IGF2BP3: variants seen among roughly 807,000 people sequenced by gnomAD.
IGF2BP3 encodes insulin like growth factor 2 mRNA binding protein 3, also known as insulin-like growth factor 2 mRNA-binding protein 3.
Under a neutral mutation model 73.8 loss-of-function variants are expected in IGF2BP3, and 9 were observed. That is an observed-to-expected ratio of 0.12 (90% CI 0.07 to 0.21). The LOEUF (loss-of-function observed/expected upper bound fraction) is 0.21, where lower values mean the gene tolerates loss of function less well. IGF2BP3 is among the 10% of genes least tolerant of loss of function. The pLI is 1.00. For synonymous variants in IGF2BP3, 258 were observed against 256.7 expected, an observed-to-expected ratio of 1.01 and a Z score of -0.05; for missense variants, 542 against 714.0, an observed-to-expected ratio of 0.76 and a Z score of 2.75.
chr7:23,467,860 A>C (rs1255795554), intron 2 of IGF2BP3: 3 of 153,756 alleles, frequency 2.0e-5, no homozygotes, highest in Admixed American at 6.4e-5. Context: ...AAATGTACCC[A>C]GGAGGAGTGG....
intron 10 of IGF2BP3, among the ~76,000 whole-genome samples, chr7:23,338,197 T>C (rs1784621886): frequency 6.6e-6 from 1 of 152,124 alleles, no homozygotes; most frequent in African/African-American, 2.4e-5. Flanking sequence ...GGTGAGTTTT[T>C]TTTCACTCTT....
chr7:23,396,651 G>A (rs1471801532), intron 3 of IGF2BP3: 5 of 152,144 alleles, frequency 3.3e-5, no homozygotes, highest in African/African-American at 1.2e-4. Context: ...TAAATAATTG[G>A]TGAGAATAAA....
chr7:23,362,122 T>G (rs936855134), intron 3 of IGF2BP3, among the ~76,000 whole-genome samples: 1 of 152,170 alleles, frequency 6.6e-6, no homozygotes, highest in African/African-American at 2.4e-5. Flanking sequence ...AGTTACAAAC[T>G]AAAGTTTAAC....
intron 3 of IGF2BP3, among the ~76,000 whole-genome samples, chr7:23,378,442 G>A (rs1174443222): frequency 7.2e-6 from 1 of 138,656 alleles, no homozygotes; most frequent in African/African-American, 3.0e-5. Flanking sequence ...TCCCAGGCTG[G>A]AGTGTAGTGG....
rs150547874 is a variant in IGF2BP3, at chr7:23,313,760, T to G, written c.1396-107A>C. The stretch of plus-strand genomic sequence containing the variant: ...CAAGTGGGATAGCCCTTTGCAGTGA[T>G]ACATCTACATTTCATAGATTGTTGA... On this transcript the variant is annotated intron_variant, in intron 12 of 14. Coordinates refer to ENST00000258729, the MANE Select transcript of IGF2BP3 (RefSeq NM_006547.3). 6.7e-4 allele frequency: 655 copies of G among 974,986 alleles called. 6 individuals are homozygous for G. In the East Asian group the frequency reaches 0.011, roughly 16 times the overall value. 60.4% of individuals were successfully genotyped at this position (974,986 alleles called of 1,614,324 possible). A position where few individuals can be genotyped will look rare whatever the true frequency, so the allele number is the denominator to read the frequency against.
In IGF2BP3 at chr7:23,468,526, G is replaced by T; in HGVS notation, c.192C>A (p.His64Gln). ...AGTGCTCAACTTCTATGGGTTTCCC[G>T]TGCAGTTCTATTTTACCTGCGGACA... ...IEALSGKIEL[H>Q]GKPIEVEHSV... is the part of the protein sequence containing the mutation. The change falls in exon 2 of 15, where the codon CAC becomes CAA. Residue 64 changes from histidine to glutamine, a missense_variant. Transcript: ENST00000258729. The T allele has an allele frequency of 1.2e-6, 2 of 1,614,168 alleles. No individual in the cohort carries two copies. Among genetic ancestry groups the T allele is most frequent in the Non-Finnish European group, 1.7e-6 (2 of 1,180,014 alleles).
At chr7:23,440,390 C>A (rs531620314) in intron 2 of IGF2BP3, among the ~76,000 whole-genome samples, 1 of 152,236 alleles carries the variant, frequency 6.6e-6, no homozygotes, top group South Asian at 2.1e-4. Flanking sequence ...GAGCCGAGAT[C>A]GTGCCACTGC....
chr7:23,319,132 C>G lies in IGF2BP3; in HGVS notation c.1320+6G>C, dbSNP rs1295792322. 4 of 1,580,060 alleles carry G rather than the reference C, an allele frequency of 2.5e-6. No individual in the cohort carries two copies. Among genetic ancestry groups the G allele is most frequent in the Non-Finnish European group, 2.6e-6 (3 of 1,151,616 alleles). ...AACCAGAGAACCACAGCTGGTAGAA[C>G]AGTACCTTAATTGAAGCTCCAGCAA... On this transcript the variant is annotated splice_donor_region_variant and intron_variant, in intron 11 of 14. Transcript: ENST00000258729.
intron 3 of IGF2BP3, among the ~76,000 whole-genome samples, chr7:23,410,248 T>A (rs139000165): frequency 2.6e-3 from 399 of 151,880 alleles, no homozygotes; most frequent in African/African-American, 6.6e-3. Flanking sequence ...TCCCAGCTAC[T>A]GGGGAGGCTG....
chr7:23,378,237 T>C (rs1785788883), intron 3 of IGF2BP3, among the ~76,000 whole-genome samples: 1 of 152,094 alleles, frequency 6.6e-6, no homozygotes, highest in Admixed American at 6.5e-5. Flanking sequence ...ATGTTGCCAT[T>C]GGGAGAAAGA....
At chr7:23,326,032 A>G (rs1784285481) in intron 10 of IGF2BP3, among the ~76,000 whole-genome samples, 1 of 152,158 alleles carries the variant, frequency 6.6e-6, no homozygotes, top group Non-Finnish European at 1.5e-5. Context: ...TAAAACACCA[A>G]AAGCAATGGC....
intron 3 of IGF2BP3, among the ~76,000 whole-genome samples, chr7:23,375,158 C>T (rs747318704): frequency 7.9e-5 from 12 of 152,234 alleles, no homozygotes; most frequent in Admixed American, 2.0e-4. Context: ...TAGCAATTAT[C>T]CCCATTTCAT....
intron 8 of IGF2BP3, among the ~76,000 whole-genome samples, chr7:23,344,145 A>G (rs1784777639): frequency 6.6e-6 from 1 of 152,266 alleles, no homozygotes; most frequent in African/African-American, 2.4e-5. Context: ...AACCGCTTAA[A>G]GTTGAACCAT....
At chr7:23,411,407 C>T (rs149756857) in intron 3 of IGF2BP3, among the ~76,000 whole-genome samples, 272 of 152,206 alleles carry the variant, frequency 1.8e-3, no homozygotes, top group African/African-American at 6.1e-3. Flanking sequence ...CATGGTGAAA[C>T]CCCGTCTCTA....
chr7:23,413,529 G>A (rs1333516832), intron 3 of IGF2BP3: 3 of 152,154 alleles, frequency 2.0e-5, no homozygotes, highest in Admixed American at 1.3e-4. Context: ...TTTAGAAAAT[G>A]GAGCCCACTT....
chr7:23,442,242 T>A (rs537388224), intron 2 of IGF2BP3, among the ~76,000 whole-genome samples: 1 of 152,264 alleles, frequency 6.6e-6, no homozygotes, highest in African/African-American at 2.4e-5. Flanking sequence ...AAAACATAAG[T>A]TGAAAGAAAA....
chr7:23,346,090 T>C, intron 7 of IGF2BP3, 28 bp from the exon 8 acceptor site: 1 of 1,593,364 alleles, frequency 6.3e-7, no homozygotes, highest in Non-Finnish European at 8.5e-7. Context: ...GCCATAAAAT[T>C]AGAATAAGTA....
intron 3 of IGF2BP3, among the ~76,000 whole-genome samples, chr7:23,381,632 G>C (rs1397130858): frequency 6.6e-6 from 1 of 151,850 alleles, no homozygotes; most frequent in Non-Finnish European, 1.5e-5. Flanking sequence ...GCAGTGGCAT[G>C]ACCTCATCTC....
chr7:23,310,345 G>A lies in IGF2BP3; in HGVS notation c.*2017C>T, dbSNP rs541593861. ...CAATTATAGAATTATTTCTTAGCTA[G>A]TACCAGATACTCCAAATTACAAATG... On this transcript the variant is annotated 3_prime_UTR_variant, in exon 15 of 15. Transcript: ENST00000258729. 1 of 152,280 alleles carries A rather than the reference G, an allele frequency of 6.6e-6. No homozygotes were observed. The highest frequency in any genetic ancestry group is 1.9e-4 in the East Asian group (1 of 5,186). 9.4% of individuals were successfully genotyped at this position (152,280 alleles called of 1,614,324 possible). A position where few individuals can be genotyped will look rare whatever the true frequency, so the allele number is the denominator to read the frequency against.
Sources: allele counts gnomAD v4.1 joint callset (sites outside exome capture counted in the v4.1 genomes callset), GRCh38; gene constraint gnomAD v4.1.1; transcripts MANE v1.5; gene names NCBI Gene and HGNC (gene_info 2026-07-23, HGNC 2026-07-21).